The following PACSIN3 variants were observed in gnomAD, a reference collection of about 807,000 sequenced individuals.
The protein encoded by PACSIN3 is protein kinase C and casein kinase substrate in neurons 3.
PACSIN3 carries 34 observed loss-of-function variants against 56.1 expected under a neutral mutation model. The ratio of observed to expected loss-of-function variants is 0.61; its 90% CI spans 0.46 to 0.81. The LOEUF (loss-of-function observed/expected upper bound fraction) is 0.81, where lower values mean the gene tolerates loss of function less well. PACSIN3 is among the 30% of genes least tolerant of loss of function. The pLI is 0.00. For missense variants in PACSIN3, 535 were observed against 592.4 expected, an observed-to-expected ratio of 0.90 and a Z score of 1.01; for synonymous variants, 218 against 229.8, an observed-to-expected ratio of 0.95 and a Z score of 0.46.
At position 47,180,276 on chromosome 11, in the gene PACSIN3, C is replaced by G; in HGVS notation, c.513G>C (p.Glu171Asp). ...RKDEKTAQTR[E>D]SHAKADSAVS... The stretch of plus-strand genomic sequence containing the variant: ...CGGCGCTGTCTGCCTTTGCGTGGCT[C>G]TCCCTCGTCTGGGCGGTCTTCTCAT... The change falls in exon 6 of 11, where the codon GAG (glutamate) becomes GAC (aspartate). Residue 171 changes from glutamate (E) to aspartate (D), a missense_variant. Coordinates refer to ENST00000298838, the MANE Select transcript of PACSIN3 (RefSeq NM_016223.5). The G allele has an allele frequency of 6.2e-7, 1 of 1,603,466 alleles. No homozygotes were observed. The highest frequency in any genetic ancestry group is 8.5e-7 in the Non-Finnish European group (1 of 1,179,964).
rs886602455 is a variant in PACSIN3, at chr11:47,180,607, G to A, written c.295C>T (p.Arg99Trp). ...ERLSALHLEVREKLQGQDSER... is the reference protein window; with the variant it reads ...ERLSALHLEVWEKLQGQDSER... ...CTGTCCTGCCCTTGCAGCTTCTCCC[G>A]CACCTCCAGGTGCAGCGCGCTCAGC... Residue 99 changes from arginine (R) to tryptophan (W), a missense_variant, in exon 5 of 11, where the codon CGG becomes TGG. Transcript: ENST00000298838. 1.4e-5 allele frequency: 22 copies of A among 1,605,076 alleles called. No homozygotes were observed. Among genetic ancestry groups the A allele is most frequent in the South Asian group, 5.5e-5 (5 of 91,064 alleles).
In PACSIN3 at chr11:47,178,115, G is replaced by T; in HGVS notation, c.1160-69C>A. ...GCCCTGTTCCTGCAACTGGGTCAAG[G>T]ACTGAGGGGGATGGTGTGGTCCCAG... On this transcript the variant is annotated intron_variant, in intron 10 of 10. Transcript: ENST00000298838. This position sits in a 1 kb window ranked among gnomAD's most constrained non-coding sequence, Gnocchi z 4.2. 1.5e-6 allele frequency: 2 copies of T among 1,376,578 alleles called. No homozygotes were observed. The highest frequency in any genetic ancestry group is 2.4e-5 in the South Asian group (2 of 83,574). 85.3% of individuals were successfully genotyped at this position (1,376,578 alleles called of 1,614,324 possible).
chr11:47,185,004 AC>A (rs1422124076), intron 1 of PACSIN3, among the ~76,000 whole-genome samples: 1 of 151,830 alleles, frequency 6.6e-6, no homozygotes, highest in Non-Finnish European at 1.5e-5. Flanking sequence ...CCCCAGCCTG[AC>A]CTCTCAGCAA....
In PACSIN3 at chr11:47,178,877, G is replaced by A. The variant is rs200299331; in HGVS notation, c.1037+17C>T. The A allele has an allele frequency of 3.5e-5, 57 of 1,613,288 alleles. No individual in the cohort carries two copies. Among genetic ancestry groups the A allele is most frequent in the South Asian group, 8.8e-5 (8 of 91,080 alleles). ...GCAGAGCTGTTTCTTTGCCACAGCCGCGCTCCTGGCTCTCACCCTGGGGAC... is the reference window on the plus strand; with the variant it reads ...GCAGAGCTGTTTCTTTGCCACAGCCACGCTCCTGGCTCTCACCCTGGGGAC... On this transcript the variant is annotated intron_variant, in intron 9 of 10. Transcript: ENST00000298838. This position sits in a 1 kb window ranked among gnomAD's most constrained non-coding sequence, Gnocchi z 4.2.
chr11:47,182,569 C>T lies in PACSIN3; in HGVS notation c.55-10G>A, dbSNP rs1354695502. Reference sequence around the variant, plus strand: ...GCCTGTAGTTGCCAGCCTGGGCATACAGGAAAAGGGTGCCATCACCAGGGA... The same window carrying T: ...GCCTGTAGTTGCCAGCCTGGGCATATAGGAAAAGGGTGCCATCACCAGGGA... On this transcript the variant is annotated splice_polypyrimidine_tract_variant and intron_variant, in intron 3 of 10. Transcript: ENST00000298838. 7 of 1,608,348 alleles carry T rather than the reference C, an allele frequency of 4.4e-6. No individual in the cohort carries two copies. The Admixed American group carries it at 5.0e-5, about 12-fold the overall frequency.
intron 3 of PACSIN3, 50 bp downstream of exon 3, chr11:47,182,624 A>T (rs2279438): frequency 0.74 from 1,180,383 of 1,602,796 alleles, 440,396 homozygotes; most frequent in Middle Eastern, 0.77. Flanking sequence ...GGGCTGTCAG[A>T]TGGGCTCCTC....
rs1310262704 is a variant in PACSIN3 at position 47,177,569 on chromosome 11, G to T, written c.*362C>A. ...GGGTGTGTGTCAAGTTTTAATACAC[G>T]CTAGAACAAGCCACAAGAGGGTGCT... On this transcript the variant is annotated 3_prime_UTR_variant, in exon 11 of 11. Coordinates refer to ENST00000298838, the MANE Select transcript of PACSIN3 (RefSeq NM_016223.5). 2 of 284,480 alleles carry T rather than the reference G, an allele frequency of 7.0e-6. No homozygotes were observed. The highest frequency in any genetic ancestry group is 1.3e-5 in the Non-Finnish European group (2 of 149,836). 17.6% of individuals were successfully genotyped at this position (284,480 alleles called of 1,614,324 possible).
At position 47,182,494 on chromosome 11, in the gene PACSIN3, G is replaced by A. The variant is rs780022026; in HGVS notation, c.120C>T (p.Val40=). The A allele has an allele frequency of 1.9e-6, 3 of 1,611,608 alleles. No individual in the cohort carries two copies. The highest frequency in any genetic ancestry group is 1.7e-6 in the Non-Finnish European group (2 of 1,179,972). Residue 40 remains valine, a synonymous_variant, in exon 4 of 11, where the codon GTC becomes GTT. Transcript: ENST00000298838. ...EDGHRLCGDL[V]SCFQERARIE... is the part of the protein sequence containing the mutation. ...TGCGGGCGCGCTCCTGGAAGCAGCT[G>A]ACCAGGTCCCCGCACAGCCGGTGCC...
Position 47,177,896 on chromosome 11 carries a change from G to A in PACSIN3, c.*35C>T, listed in dbSNP as rs1210355030. On this transcript the variant is annotated 3_prime_UTR_variant, in exon 11 of 11. Coordinates refer to ENST00000298838, the MANE Select transcript of PACSIN3 (RefSeq NM_016223.5). ...CAGGAGAAGCTGGGCTCTGAACCAG[G>A]GTGGGTAAACGTTGCAGAAGGGCTG... 2 of 1,516,960 alleles carry A rather than the reference G, an allele frequency of 1.3e-6. No homozygotes were observed. The highest frequency in any genetic ancestry group is 1.1e-5 in the South Asian group (1 of 89,142). The allele number at this position is 1,516,960 out of a possible 1,614,324, so 94.0% of individuals were successfully genotyped here.
chr11:47,180,591 C>T lies in PACSIN3; in HGVS notation c.311G>A (p.Gly104Glu), dbSNP rs1364779423. The change falls in exon 5 of 11, where the codon GGG becomes GAG. Residue 104 changes from glycine (G) to glutamate (E), a missense_variant. Transcript: ENST00000298838. ...GGCGCGCACCCGCTCACTGTCCTGC[C>T]CTTGCAGCTTCTCCCGCACCTCCAG... ...LHLEVREKLQGQDSERVRAWQ... is the reference protein window; with the variant it reads ...LHLEVREKLQEQDSERVRAWQ... 6.2e-7 allele frequency: 1 copy of T among 1,605,102 alleles called. No homozygotes were observed. Among genetic ancestry groups the T allele is most frequent in the Non-Finnish European group, 8.5e-7 (1 of 1,179,886 alleles).
At position 47,178,015 on chromosome 11, in the gene PACSIN3, G is replaced by C; in HGVS notation, c.1191C>G (p.Asp397Glu). ...ACTGGCCTTGGCACCAGCCCTGCTCGTCCTCCTCACTCATCTTCAGCAGCT... is the reference window on the plus strand; with the variant it reads ...ACTGGCCTTGGCACCAGCCCTGCTCCTCCTCCTCACTCATCTTCAGCAGCT... Reference protein sequence around the residue: ...GEELLKMSEEDEQGWCQGQLQ... With the variant: ...GEELLKMSEEEEQGWCQGQLQ... The change falls in exon 11 of 11, where the codon GAC becomes GAG. Residue 397 changes from aspartate (D) to glutamate (E), a missense_variant. Transcript: ENST00000298838. This position sits in a 1 kb window ranked among gnomAD's most constrained non-coding sequence, Gnocchi z 4.2. 1 of 1,613,976 alleles carries C rather than the reference G, an allele frequency of 6.2e-7. No individual in the cohort carries two copies. The highest frequency in any genetic ancestry group is 8.5e-7 in the Non-Finnish European group (1 of 1,179,924).
Position 47,177,858 on chromosome 11 carries a change from G to C in PACSIN3, c.*73C>G. ...AGAGAGCGACGGTTCAGGGCCCTGA[G>C]GGTCCGGCTCTCCAGGAGAAGCTGG... On this transcript the variant is annotated 3_prime_UTR_variant, in exon 11 of 11. Coordinates refer to ENST00000298838, the MANE Select transcript of PACSIN3 (RefSeq NM_016223.5). 8.4e-7 allele frequency: 1 copy of C among 1,185,134 alleles called. No individual in the cohort carries two copies. The allele number at this position is 1,185,134 out of a possible 1,614,324, so 73.4% of individuals were successfully genotyped here. A position where few individuals can be genotyped will look rare whatever the true frequency, so the allele number is the denominator to read the frequency against.
Position 47,179,400 on chromosome 11 carries a change from GCAGTTCATA to G in PACSIN3, c.779+2_779+10del, listed in dbSNP as rs1288368291. 23 of 1,613,906 alleles carry G rather than the reference GCAGTTCATA, an allele frequency of 1.4e-5. No individual in the cohort carries two copies. The highest frequency in any genetic ancestry group is 1.9e-5 in the Non-Finnish European group (22 of 1,179,930). On this transcript the variant is annotated splice_donor_variant and splice_donor_5th_base_variant and intron_variant, in intron 7 of 10. Transcript: ENST00000298838. LOFTEE classifies it high-confidence loss of function. The surrounding 1 kb of genome is among the most constrained non-coding windows in gnomAD (Gnocchi z 4.4). ...TACCCCAGATCTCCATGCCCACCAG[GCAGTTCATA>G]CTTCTCACTGCTGGAAAGGTCCAGG...
Position 47,179,559 on chromosome 11 carries a change from C to T in PACSIN3, c.631G>A (p.Ala211Thr). Residue 211 changes from alanine to threonine, a missense_variant, in exon 7 of 11, where the codon GCA (alanine) becomes ACA (threonine). Physicochemically the swap from Ala to Thr is moderately conservative, Grantham distance 58. Coordinates refer to ENST00000298838, the MANE Select transcript of PACSIN3 (RefSeq NM_016223.5). The surrounding 1 kb of genome is among the most constrained non-coding windows in gnomAD (Gnocchi z 4.4). ...CGTGGAGTGTAGCGATGCAGCTCTG[C>T]CAGCGTCTGCTCATACTGAGCTTTT... ...KTKAQYEQTL[A>T]ELHRYTPRYM... 6.2e-7 allele frequency: 1 copy of T among 1,613,714 alleles called. No individual in the cohort carries two copies. The highest frequency in any genetic ancestry group is 8.5e-7 in the Non-Finnish European group (1 of 1,180,014).
chr11:47,178,350 A>C lies in PACSIN3; in HGVS notation c.1159+16T>G. ...ATAAGGCAGAGGCTGAAGCTAGGAA[A>C]GGGGTCCCAGGGTACCTGCTCGGAA... On this transcript the variant is annotated intron_variant, in intron 10 of 10. Transcript: ENST00000298838. This position sits in a 1 kb window ranked among gnomAD's most constrained non-coding sequence, Gnocchi z 4.2. The C allele has an allele frequency of 1.2e-6, 2 of 1,612,908 alleles. No homozygotes were observed.
At chr11:47,180,421 G>A (rs777507568) in intron 5 of PACSIN3, 34 bp downstream of exon 5, 4 of 1,593,126 alleles carry the variant, frequency 2.5e-6, no homozygotes, top group South Asian at 2.2e-5. Flanking sequence ...ACAGGAAGGA[G>A]CCTGTCTCGG....
In PACSIN3 at chr11:47,178,071, G is replaced by A. The variant is rs1952921088; in HGVS notation, c.1160-25C>T. On this transcript the variant is annotated intron_variant, in intron 10 of 10. Transcript: ENST00000298838. This position sits in a 1 kb window ranked among gnomAD's most constrained non-coding sequence, Gnocchi z 4.2. ...CCTGGGGGAAAGGGGATTGGTCACTGCCAGTGGCCCTGGCCCAGGCCCTGT... is the reference window on the plus strand; with the variant it reads ...CCTGGGGGAAAGGGGATTGGTCACTACCAGTGGCCCTGGCCCAGGCCCTGT... 1.9e-6 allele frequency: 3 copies of A among 1,590,988 alleles called. No individual in the cohort carries two copies. The highest frequency in any genetic ancestry group is 2.2e-5 in the East Asian group (1 of 44,522).
At position 47,178,291 on chromosome 11, in the gene PACSIN3, T is replaced by C; in HGVS notation, c.1159+75A>G. Reference sequence around the variant, plus strand: ...GGACTGGCCCTTAAGAAGTGGGTATTTGGCTTCCCTTTCTGACACCCCTGC... The same window carrying C: ...GGACTGGCCCTTAAGAAGTGGGTATCTGGCTTCCCTTTCTGACACCCCTGC... On this transcript the variant is annotated intron_variant, in intron 10 of 10. Transcript: ENST00000298838. The surrounding 1 kb of genome is among the most constrained non-coding windows in gnomAD (Gnocchi z 4.2). The C allele has an allele frequency of 1.3e-6, 2 of 1,572,852 alleles. No homozygotes were observed. Among genetic ancestry groups the C allele is most frequent in the African/African-American group, 2.7e-5 (2 of 74,220 alleles).
Position 47,179,068 on chromosome 11 carries a change from G to A in PACSIN3, c.901-38C>T, listed in dbSNP as rs755774391. 1 of 1,614,082 alleles carries A rather than the reference G, an allele frequency of 6.2e-7. No homozygotes were observed. The highest frequency in any genetic ancestry group is 8.5e-7 in the Non-Finnish European group (1 of 1,180,010). The stretch of plus-strand genomic sequence containing the variant: ...TGCTTATAGTCAGGTGGGGCCATCT[G>A]AACCACCTTCACTTACTTCATCCCT... On this transcript the variant is annotated intron_variant, in intron 8 of 10. Coordinates refer to ENST00000298838, the MANE Select transcript of PACSIN3 (RefSeq NM_016223.5). This position sits in a 1 kb window ranked among gnomAD's most constrained non-coding sequence, Gnocchi z 4.4.
Sources: gnomAD v4.1 joint callset for allele counts (sites outside exome capture counted in the v4.1 genomes callset) on GRCh38, gnomAD v4.1.1 for gene constraint, Gnocchi (gnomAD v3.1) non-coding constraint, MANE v1.5 for transcripts, NCBI Gene and HGNC (gene_info 2026-07-23, HGNC 2026-07-21) for gene names.